KALRN: variants seen among roughly 807,000 people sequenced by gnomAD.
The protein encoded by KALRN is kalirin RhoGEF kinase, also known as kalirin.
In KALRN, 70 loss-of-function variants were observed where a neutral mutation model predicts 353.7. That is an observed-to-expected ratio of 0.20 (90% CI 0.16 to 0.24). The LOEUF (loss-of-function observed/expected upper bound fraction) is 0.24, where lower values mean the gene tolerates loss of function less well. Ranked by LOEUF, KALRN falls within the 10% of genes least tolerant of loss-of-function variation. The pLI is 1.00. For synonymous variants in KALRN, 1,391 were observed against 1,434.8 expected, an observed-to-expected ratio of 0.97 and a Z score of 0.69; for missense variants, 2,791 against 3,756.7, an observed-to-expected ratio of 0.74 and a Z score of 6.72.
chr3:124,625,576 A>C (rs1393606067), intron 34 of KALRN, among the ~76,000 whole-genome samples: 3 of 152,128 alleles, frequency 2.0e-5, no homozygotes, highest in Admixed American at 6.5e-5. Context: ...AAAAAAAAAA[A>C]AGTACTGGTC....
intron 37 of KALRN, among the ~76,000 whole-genome samples, chr3:124,638,263 C>T (rs1435436373): frequency 6.6e-6 from 1 of 151,902 alleles, no homozygotes; most frequent in Non-Finnish European, 1.5e-5. Flanking sequence ...TCAGATATCC[C>T]AGCATATACT....
At chr3:124,558,314 G>C (rs1245483469) in intron 33 of KALRN, among the ~76,000 whole-genome samples, 5 of 151,666 alleles carry the variant, frequency 3.3e-5, no homozygotes, top group Non-Finnish European at 5.9e-5. Context: ...GTCTCACTGT[G>C]ACTCCCAGGC....
chr3:124,199,414 T>C (rs2075754386), intron 1 of KALRN, among the ~76,000 whole-genome samples: 1 of 152,156 alleles, frequency 6.6e-6, no homozygotes, highest in South Asian at 2.1e-4. Context: ...CATTTTGTCC[T>C]CCCTGGGATC....
In KALRN at chr3:124,429,552, T is replaced by C. The variant is rs528741058; in HGVS notation, c.2710-1104T>C. ...TCAGACTCCCTAATAAAGAAAGTGT[T>C]TGGCAATGTTCTGGTGACCAGACAC... On this transcript the variant is annotated intron_variant, in intron 15 of 59. Transcript: ENST00000682506. Among the ~76,000 whole-genome samples, 4 of 152,332 alleles carry C rather than the reference T, an allele frequency of 2.6e-5. No homozygotes were observed. In the East Asian group the frequency reaches 5.8e-4, roughly 22 times the overall value.
intron 27 of KALRN, among the ~76,000 whole-genome samples, chr3:124,481,994 G>T (rs3772765): frequency 0.25 from 37,885 of 152,122 alleles, 5,945 homozygotes; most frequent in East Asian, 0.48. Context: ...CTGACCCTTA[G>T]AACCCCTAGA....
At chr3:124,194,217 G>A (rs934293373) in intron 1 of KALRN, among the ~76,000 whole-genome samples, 1 of 152,202 alleles carries the variant, frequency 6.6e-6, no homozygotes, top group African/African-American at 2.4e-5. Flanking sequence ...TATAATAAAA[G>A]AGCAGAAGAG....
chr3:124,671,990 C>A, intron 48 of KALRN, 92 bp downstream of exon 48: 1 of 1,000,404 alleles, frequency 1.0e-6, no homozygotes, highest in Non-Finnish European at 1.5e-6. Context: ...GGTCTGTCAT[C>A]CAGGCTGGAG....
chr3:124,216,076 C>T (rs1579502465), intron 1 of KALRN, among the ~76,000 whole-genome samples: 1 of 152,186 alleles, frequency 6.6e-6, no homozygotes, highest in Non-Finnish European at 1.5e-5. Context: ...CAACTAACCT[C>T]AGTTCTTCCA....
intron 1 of KALRN, among the ~76,000 whole-genome samples, chr3:124,192,552 A>C (rs1226380481): frequency 6.6e-6 from 1 of 152,250 alleles, no homozygotes; most frequent in Non-Finnish European, 1.5e-5. Flanking sequence ...CTCGAAGGAT[A>C]AATGCTTGAG....
chr3:124,091,104 T>G (rs2061093216), intron 1 of KALRN, among the ~76,000 whole-genome samples: 1 of 152,202 alleles, frequency 6.6e-6, no homozygotes, highest in South Asian at 2.1e-4. Flanking sequence ...CTCCACCACT[T>G]GGGCGCTAAT....
intron 23 of KALRN, among the ~76,000 whole-genome samples, chr3:124,459,365 G>C (rs1183134159): frequency 1.3e-5 from 2 of 152,138 alleles, no homozygotes; most frequent in Non-Finnish European, 2.9e-5. Context: ...AAGTAGCTGA[G>C]GTTTTCATAA....
intron 1 of KALRN, among the ~76,000 whole-genome samples, chr3:124,212,223 G>A (rs944065183): frequency 7.0e-6 from 1 of 142,478 alleles, no homozygotes; most frequent in Non-Finnish European, 1.5e-5. Flanking sequence ...ATAGAAAAGT[G>A]TAAAAAAAAA....
At chr3:124,583,852 C>G (rs2074855420) in intron 34 of KALRN, among the ~76,000 whole-genome samples, 3 of 152,072 alleles carry the variant, frequency 2.0e-5, no homozygotes, top group African/African-American at 7.2e-5. Flanking sequence ...GGGAGACATC[C>G]ATAGATATTT....
At chr3:124,272,167 A>G (rs967425268) in intron 5 of KALRN, among the ~76,000 whole-genome samples, 2 of 152,250 alleles carry the variant, frequency 1.3e-5, no homozygotes, top group African/African-American at 2.4e-5. Flanking sequence ...GTTAAAAATA[A>G]AATAAGGAAA....
intron 27 of KALRN, among the ~76,000 whole-genome samples, chr3:124,477,624 T>C (rs2061554761): frequency 2.0e-5 from 3 of 152,118 alleles, no homozygotes; most frequent in Admixed American, 1.3e-4. Flanking sequence ...TATGATGCAG[T>C]TGTTGATTAA....
At chr3:124,118,121 G>T (rs1450386000) in intron 1 of KALRN, among the ~76,000 whole-genome samples, 1 of 152,198 alleles carries the variant, frequency 6.6e-6, no homozygotes, top group Non-Finnish European at 1.5e-5. Context: ...GCAGAGGAGA[G>T]TGCCTTCCCT....
intron 1 of KALRN, among the ~76,000 whole-genome samples, chr3:124,227,003 C>T (rs967691181): frequency 2.0e-5 from 3 of 152,118 alleles, no homozygotes; most frequent in African/African-American, 7.2e-5. Context: ...GTGGGTGGCT[C>T]TCCCTGAGAG....
chr3:124,334,254 C>G lies in KALRN; in HGVS notation c.1417-11C>G. 1 of 1,612,522 alleles carries G rather than the reference C, an allele frequency of 6.2e-7. No individual in the cohort carries two copies. Among genetic ancestry groups the G allele is most frequent in the Non-Finnish European group, 8.5e-7 (1 of 1,178,496 alleles). ...CTTTTCCCTTAACTTAAACTTCTCT[C>G]TTTCCTGCAGGTCAGCCAGGATGGC... On this transcript the variant is annotated splice_polypyrimidine_tract_variant and intron_variant, in intron 8 of 59. Coordinates refer to ENST00000682506, the MANE Select transcript of KALRN (RefSeq NM_001388419.1). The surrounding 1 kb of genome is among the most constrained non-coding windows in gnomAD (Gnocchi z 4.2).
chr3:124,637,320 G>A lies in KALRN; in HGVS notation c.5664+17G>A, dbSNP rs1446227336. ...AACAAGCTGGTAAGTGGGGGTCCTG[G>A]AGGCAGTTCTGTGTGTGTCTCACCT... On this transcript the variant is annotated intron_variant, in intron 37 of 59. Transcript: ENST00000682506. 1 of 1,589,008 alleles carries A rather than the reference G, an allele frequency of 6.3e-7. No individual in the cohort carries two copies. Among genetic ancestry groups the A allele is most frequent in the South Asian group, 1.1e-5 (1 of 90,540 alleles).
Sources: allele counts gnomAD v4.1 joint callset (sites outside exome capture counted in the v4.1 genomes callset), GRCh38; gene constraint gnomAD v4.1.1; non-coding constraint Gnocchi (gnomAD v3.1); transcripts MANE v1.5; gene names NCBI Gene and HGNC (gene_info 2026-07-23, HGNC 2026-07-21).